NUP37: variants seen among roughly 807,000 people sequenced by gnomAD.
NUP37 encodes nucleoporin 37.
Under a neutral mutation model 45.4 loss-of-function variants are expected in NUP37, and 33 were observed. The observed-to-expected ratio is 0.73, with a 90% CI of 0.55 to 0.97. The LOEUF is 0.97. Among genes scored for constraint, NUP37 ranks in the 50% least tolerant of loss-of-function variants. The pLI, the probability that NUP37 is intolerant of heterozygous loss-of-function variation, is 0.00. For missense variants in NUP37, 365 were observed against 389.7 expected, an observed-to-expected ratio of 0.94 and a Z score of 0.53; for synonymous variants, 127 against 130.7, an observed-to-expected ratio of 0.97 and a Z score of 0.19.
rs1879455213 is a variant in NUP37, at chr12:102,085,863, AAAG to A, written c.450-10_450-8del. On this transcript the variant is annotated splice_polypyrimidine_tract_variant and splice_region_variant and intron_variant, in intron 5 of 9. Coordinates refer to ENST00000552283, the MANE Select transcript of NUP37 (RefSeq NM_024057.4). ...TCCTTCCAAGTTCCAAATCCTAATA[AAAG>A]AATAACAGTATAATGTTAATTGTTC... is the stretch of plus-strand genomic sequence containing the variant. 7.2e-7 allele frequency: 1 copy of A among 1,394,780 alleles called. No individual in the cohort carries two copies. Among genetic ancestry groups the A allele is most frequent in the Admixed American group, 1.8e-5 (1 of 55,168 alleles). 86.4% of individuals were successfully genotyped at this position (1,394,780 alleles called of 1,614,324 possible).
chr12:102,109,866 G>A (rs904255691), intron 3 of NUP37, among the ~76,000 whole-genome samples: 1 of 152,188 alleles, frequency 6.6e-6, no homozygotes, highest in Non-Finnish European at 1.5e-5. Flanking sequence ...ACCAAGGGAA[G>A]AAGACTGTTT....
intron 8 of NUP37, 64 bp downstream of exon 8, chr12:102,076,733 T>C (rs1879179079): frequency 7.5e-7 from 1 of 1,328,914 alleles, no homozygotes; most frequent in Non-Finnish European, 1.1e-6. Context: ...TACAAAAGTA[T>C]CCCAGTGGTG....
chr12:102,075,825 A>C (rs1474708753), intron 8 of NUP37, among the ~76,000 whole-genome samples: 1 of 152,068 alleles, frequency 6.6e-6, no homozygotes, highest in Admixed American at 6.5e-5. Flanking sequence ...TAATTAGTTT[A>C]AGGCAGTCAT....
At chr12:102,104,874 A>C (rs1880082724) in intron 3 of NUP37, among the ~76,000 whole-genome samples, 1 of 152,222 alleles carries the variant, frequency 6.6e-6, no homozygotes, top group African/African-American at 2.4e-5. Context: ...ATTTGAAATA[A>C]AGAAGTGTGA....
intron 8 of NUP37, 105 bp downstream of exon 8, chr12:102,076,692 G>GA (rs892088243): frequency 3.3e-3 from 2,712 of 811,620 alleles, no homozygotes; most frequent in South Asian, 4.6e-3. Context: ...AACAATAAGG[G>GA]AAAAAAAAAA....
chr12:102,093,669 T>C (rs1485638958), intron 5 of NUP37, among the ~76,000 whole-genome samples: 1 of 152,120 alleles, frequency 6.6e-6, no homozygotes, highest in African/African-American at 2.4e-5. Flanking sequence ...AAAATTTTGA[T>C]AAACTTTACA....
intron 2 of NUP37, among the ~76,000 whole-genome samples, chr12:102,116,886 G>A (rs1290019588): frequency 6.6e-6 from 1 of 151,992 alleles, no homozygotes; most frequent in African/African-American, 2.4e-5. Flanking sequence ...CCTGTAATTC[G>A]AGCTACTCAG....
rs202041445 is a variant in NUP37 at position 102,085,832 on chromosome 12, T to C, written c.474A>G (p.Gln158=). The change falls in exon 6 of 10, where the codon CAA becomes CAG. Residue 158 remains glutamine, a synonymous_variant. Transcript: ENST00000552283. ...GAGAATGAAGAACAAAATGAGCTGTTTGCACTCCTTCCAAGTTCCAAATCC... is the reference window on the plus strand; with the variant it reads ...GAGAATGAAGAACAAAATGAGCTGTCTGCACTCCTTCCAAGTTCCAAATCC... ...TCRIWNLEGV[Q]TAHFVLHSPG... 35 of 1,593,120 alleles carry C rather than the reference T, an allele frequency of 2.2e-5. No individual in the cohort carries two copies. Among genetic ancestry groups the C allele is most frequent in the African/African-American group, 1.9e-4 (14 of 74,506 alleles).
chr12:102,086,265 C>T (rs760877608), intron 5 of NUP37, among the ~76,000 whole-genome samples: 32 of 152,186 alleles, frequency 2.1e-4, no homozygotes, highest in Non-Finnish European at 4.1e-4. Context: ...CAAACACACA[C>T]ACGCATGCAA....
chr12:102,099,036 T>TA, intron 5 of NUP37, 70 bp downstream of exon 5: 1 of 1,031,330 alleles, frequency 9.7e-7, no homozygotes, highest in East Asian at 2.5e-5. Context: ...CATTTTTTTT[T>TA]CTCATTTTAA....
chr12:102,079,373 T>TAC (rs1430680916), intron 6 of NUP37, among the ~76,000 whole-genome samples: 3 of 152,172 alleles, frequency 2.0e-5, no homozygotes, highest in Non-Finnish European at 2.9e-5. Context: ...ATCTATGTTA[T>TAC]ACACACACAC....
intron 6 of NUP37, among the ~76,000 whole-genome samples, chr12:102,078,797 C>T (rs1047675819): frequency 2.6e-5 from 4 of 152,136 alleles, no homozygotes; most frequent in Admixed American, 6.5e-5. Flanking sequence ...TCTAAGATAC[C>T]ATTGAGTTAA....
At chr12:102,117,459 T>G in intron 2 of NUP37, among the ~76,000 whole-genome samples, 1 of 151,200 alleles carries the variant, frequency 6.6e-6, no homozygotes. Flanking sequence ...AAAATAAAAA[T>G]AATAATAATA....
At chr12:102,109,392 A>G (rs1361181731) in intron 3 of NUP37, among the ~76,000 whole-genome samples, 4 of 152,184 alleles carry the variant, frequency 2.6e-5, no homozygotes, top group African/African-American at 9.6e-5. Flanking sequence ...TTTATTTTAG[A>G]ATACTATAAA....
intron 6 of NUP37, 84 bp downstream of exon 6, chr12:102,085,681 TG>T (rs1255477927): frequency 1.7e-6 from 1 of 600,120 alleles, no homozygotes; most frequent in Non-Finnish European, 2.8e-6. Context: ...GAAAAATCAT[TG>T]ATCTTCCTCC....
intron 6 of NUP37, among the ~76,000 whole-genome samples, chr12:102,082,065 T>C (rs1228603324): frequency 1.3e-5 from 2 of 152,164 alleles, no homozygotes; most frequent in African/African-American, 2.4e-5. Context: ...GTCCCAATTC[T>C]TTGATCCCGT....
chr12:102,112,277 A>T (rs765456891), intron 2 of NUP37, 45 bp from the exon 3 acceptor site: 3 of 1,484,402 alleles, frequency 2.0e-6, no homozygotes, highest in Non-Finnish European at 2.8e-6. Flanking sequence ...GAGAACAAAC[A>T]ATATAATATT....
In NUP37 at chr12:102,089,001, C is replaced by T. The variant is rs908821413; in HGVS notation, c.450-3145G>A. ...CATTTAACCCTGAGTTGACACAGCA[C>T]GTTTCAGAGAGCACGGGGTTGGGGG... On this transcript the variant is annotated intron_variant, in intron 5 of 9. Coordinates refer to ENST00000552283, the MANE Select transcript of NUP37 (RefSeq NM_024057.4). 4.0e-5 allele frequency among the ~76,000 whole-genome samples: 6 copies of T among 151,892 alleles called. No homozygotes were observed. In the South Asian group the frequency reaches 6.3e-4, roughly 16 times the overall value.
intron 5 of NUP37, among the ~76,000 whole-genome samples, chr12:102,088,482 C>T (rs1282162499): frequency 6.6e-6 from 1 of 152,090 alleles, no homozygotes; most frequent in Non-Finnish European, 1.5e-5. Context: ...TCTTGCGCTC[C>T]CTTCTACTCA....
Sources: gnomAD v4.1 joint callset for allele counts (sites outside exome capture counted in the v4.1 genomes callset) on GRCh38, gnomAD v4.1.1 for gene constraint, MANE v1.5 for transcripts, NCBI Gene and HGNC (gene_info 2026-07-23, HGNC 2026-07-21) for gene names.